CTNNA3: variants seen among roughly 807,000 people sequenced by gnomAD.
CTNNA3 encodes catenin alpha 3.
CTNNA3 carries 76 observed loss-of-function variants against 95.7 expected under a neutral mutation model. The observed-to-expected ratio is 0.79, with a 90% confidence interval of 0.66 to 0.96. The LOEUF (loss-of-function observed/expected upper bound fraction) is 0.96, where lower values mean the gene tolerates loss of function less well. Among genes scored for constraint, CTNNA3 ranks in the 40% least tolerant of loss-of-function variants. CTNNA3 has a pLI of 0.00. For missense variants in CTNNA3, 1,191 were observed against 1,089.8 expected (o/e 1.09, Z -1.31); for synonymous variants, 431 against 374.4 (o/e 1.15, Z -1.74).
chr10:66,948,517 CAATT>C (rs1458642369), intron 7 of CTNNA3, among the ~76,000 whole-genome samples: 4 of 152,124 alleles, frequency 2.6e-5, no homozygotes, highest in East Asian at 1.9e-4. Flanking sequence ...TCAATGCTCT[CAATT>C]AAAGATCTAC....
chr10:66,178,962 A>G (rs867120251), intron 13 of CTNNA3, among the ~76,000 whole-genome samples: 9 of 151,988 alleles, frequency 5.9e-5, no homozygotes, highest in Non-Finnish European at 5.9e-5. Flanking sequence ...TGGAATGTAA[A>G]ATGACACAAC....
chr10:66,759,160 T>G (rs1224220049), intron 9 of CTNNA3, among the ~76,000 whole-genome samples: 1 of 152,192 alleles, frequency 6.6e-6, no homozygotes, highest in Non-Finnish European at 1.5e-5. Flanking sequence ...TATCTGAAGA[T>G]TCAGGTGATC....
At chr10:67,136,751 T>C (rs1201838923) in intron 7 of CTNNA3, among the ~76,000 whole-genome samples, 1 of 152,180 alleles carries the variant, frequency 6.6e-6, no homozygotes, top group Non-Finnish European at 1.5e-5. Context: ...CTTGAATCTA[T>C]GAACCCAGCA....
At chr10:67,678,767 T>C (rs1840576719) in intron 1 of CTNNA3, among the ~76,000 whole-genome samples, 1 of 152,110 alleles carries the variant, frequency 6.6e-6, no homozygotes, top group South Asian at 2.1e-4. Context: ...AGCTGAGATG[T>C]TTAAAGAACA....
chr10:67,426,777 C>T (rs889411477), intron 5 of CTNNA3, among the ~76,000 whole-genome samples: 2 of 150,976 alleles, frequency 1.3e-5, no homozygotes, highest in African/African-American at 2.4e-5. Flanking sequence ...GCATGTTGTG[C>T]ACATGTACCC....
At chr10:65,936,982 A>G (rs954689388) in intron 17 of CTNNA3, among the ~76,000 whole-genome samples, 5 of 151,932 alleles carry the variant, frequency 3.3e-5, no homozygotes, top group Admixed American at 2.0e-4. Context: ...TTATATAACT[A>G]TATATATTAT....
intron 5 of CTNNA3, among the ~76,000 whole-genome samples, chr10:67,365,890 G>T (rs1327531897): frequency 4.6e-5 from 7 of 152,174 alleles, no homozygotes; most frequent in African/African-American, 1.7e-4. Context: ...ATACCCAAAG[G>T]ATTATAAATC....
At chr10:66,627,053 T>C (rs954896660) in intron 9 of CTNNA3, among the ~76,000 whole-genome samples, 2 of 151,954 alleles carry the variant, frequency 1.3e-5, no homozygotes, top group African/African-American at 2.4e-5. Context: ...TGTACTGAGG[T>C]GAAAGTCTAA....
chr10:66,815,867 A>G (rs1314263537), intron 7 of CTNNA3, among the ~76,000 whole-genome samples: 1 of 152,200 alleles, frequency 6.6e-6, no homozygotes, highest in Non-Finnish European at 1.5e-5. Flanking sequence ...CCAGGCTGAA[A>G]TAAAAGGACA....
intron 16 of CTNNA3, among the ~76,000 whole-genome samples, chr10:65,969,088 C>T (rs1234156102): frequency 6.6e-6 from 1 of 152,132 alleles, no homozygotes; most frequent in Non-Finnish European, 1.5e-5. Flanking sequence ...TACACACCAT[C>T]TACAGGCTTG....
intron 7 of CTNNA3, among the ~76,000 whole-genome samples, chr10:67,133,366 C>CATACATATAT (rs145480361): frequency 0.015 from 1,915 of 124,124 alleles, 45 homozygotes; most frequent in African/African-American, 0.051. Context: ...TACATACATA[C>CATACATATAT]ATATATATAT....
At chr10:67,045,766 C>A (rs1022221609) in intron 7 of CTNNA3, among the ~76,000 whole-genome samples, 3 of 152,026 alleles carry the variant, frequency 2.0e-5, no homozygotes, top group Non-Finnish European at 4.4e-5. Context: ...GAGGAGAAAC[C>A]GAACTGGAGA....
chr10:66,852,084 C>T (rs1192777536), intron 7 of CTNNA3, among the ~76,000 whole-genome samples: 1 of 152,118 alleles, frequency 6.6e-6, no homozygotes, highest in Admixed American at 6.6e-5. Flanking sequence ...TCAAATGATT[C>T]CTTGCAAACT....
chr10:67,551,658 C>A (rs1235672884), intron 3 of CTNNA3, among the ~76,000 whole-genome samples: 1 of 152,174 alleles, frequency 6.6e-6, no homozygotes, highest in Non-Finnish European at 1.5e-5. Flanking sequence ...GGTTGGAGCC[C>A]CACAGCCTGC....
intron 7 of CTNNA3, among the ~76,000 whole-genome samples, chr10:67,057,690 G>A (rs915446169): frequency 1.3e-5 from 2 of 152,074 alleles, no homozygotes; most frequent in African/African-American, 2.4e-5. Context: ...TTGCTGAACT[G>A]GGTCCTCAGC....
At chr10:66,878,220 T>A (rs1166686038) in intron 7 of CTNNA3, among the ~76,000 whole-genome samples, 1 of 152,136 alleles carries the variant, frequency 6.6e-6, no homozygotes, top group Non-Finnish European at 1.5e-5. Context: ...TTGTTGAAGT[T>A]TTTTGTCCGT....
intron 7 of CTNNA3, among the ~76,000 whole-genome samples, chr10:67,149,941 T>G (rs1861019441): frequency 6.6e-6 from 1 of 152,224 alleles, no homozygotes; most frequent in Non-Finnish European, 1.5e-5. Flanking sequence ...AGAATTTTAA[T>G]AAATAATTCA....
intron 1 of CTNNA3, among the ~76,000 whole-genome samples, chr10:67,726,940 ATATATAT>A (rs1264570814): frequency 2.6e-5 from 3 of 116,578 alleles, no homozygotes; most frequent in East Asian, 2.4e-4. Flanking sequence ...ATCATATATC[ATATATAT>A]TATATATTAT....
intron 6 of CTNNA3, among the ~76,000 whole-genome samples, chr10:67,204,953 G>A (rs12254836): frequency 0.033 from 4,998 of 152,254 alleles, 236 homozygotes; most frequent in East Asian, 0.19. Flanking sequence ...GGCTCGCTCT[G>A]TAATAGTGAT....
Sources: allele counts gnomAD v4.1 joint callset (sites outside exome capture counted in the v4.1 genomes callset), GRCh38; gene constraint gnomAD v4.1.1; transcripts MANE v1.5; gene names NCBI Gene and HGNC (gene_info 2026-07-23, HGNC 2026-07-21).